MINDY4: variants seen among roughly 807,000 people sequenced by gnomAD.
MINDY4 encodes the protein probable ubiquitin carboxyl-terminal hydrolase MINDY-4.
A neutral mutation model predicts 87.0 loss-of-function variants in MINDY4; 68 were observed. The observed-to-expected ratio is 0.78, with a 90% CI of 0.64 to 0.96. MINDY4 has a LOEUF of 0.96. Ranked by LOEUF, MINDY4 falls within the 40% of genes least tolerant of loss-of-function variation. The pLI, the probability that MINDY4 is intolerant of heterozygous loss-of-function variation, is 0.00. For missense variants in MINDY4, 919 were observed against 928.2 expected (o/e 0.99, Z 0.13); for synonymous variants, 379 against 363.2 (o/e 1.04, Z -0.50).
intron 9 of MINDY4, among the ~76,000 whole-genome samples, chr7:30,843,241 A>C (rs994239286): frequency 6.6e-5 from 10 of 152,344 alleles, no homozygotes; most frequent in African/African-American, 2.4e-4. Flanking sequence ...ATTCCAGTAA[A>C]GAGAACAAGA....
chr7:30,891,692 C>T (rs1203181), intron 17 of MINDY4, among the ~76,000 whole-genome samples: 98,321 of 152,090 alleles, frequency 0.65, 35,417 homozygotes, highest in Non-Finnish European at 0.8. Context: ...CAGTGCCAGG[C>T]GCAAAGTAGG....
At chr7:30,847,390 A>T (rs1029243470) in intron 9 of MINDY4, among the ~76,000 whole-genome samples, 2 of 152,224 alleles carry the variant, frequency 1.3e-5, no homozygotes, top group Admixed American at 1.3e-4. Context: ...GGCCCTGCCC[A>T]AGAGCAAGAT....
chr7:30,838,399 G>A (rs1473269237), intron 7 of MINDY4, among the ~76,000 whole-genome samples: 2 of 152,102 alleles, frequency 1.3e-5, no homozygotes, highest in Admixed American at 6.5e-5. Context: ...ACTCATGGGC[G>A]GCATCACAGA....
chr7:30,874,883 A>G (rs572183498), intron 14 of MINDY4, among the ~76,000 whole-genome samples: 1 of 152,188 alleles, frequency 6.6e-6, no homozygotes, highest in Non-Finnish European at 1.5e-5. Flanking sequence ...GTAAGATGTT[A>G]TCGTTGGGGG....
At chr7:30,780,887 G>A (rs1430961459) in intron 2 of MINDY4, 2 of 152,348 alleles carry the variant, frequency 1.3e-5, no homozygotes, top group Non-Finnish European at 1.5e-5. Context: ...TTTATTGTAA[G>A]CTTCATTTAA....
intron 1 of MINDY4, 64 bp downstream of exon 1, chr7:30,771,620 C>T (rs552541074): frequency 1.3e-6 from 2 of 1,511,826 alleles, no homozygotes; most frequent in Non-Finnish European, 1.8e-6. Flanking sequence ...ATCGGGGTCT[C>T]CCCTGAAGGC....
chr7:30,828,590 A>T, intron 5 of MINDY4, 89 bp from the exon 6 acceptor site: 1 of 1,310,428 alleles, frequency 7.6e-7, no homozygotes. Context: ...TGTCTCCTGA[A>T]TGCCTATCCA....
At chr7:30,872,179 C>A (rs1332945700) in intron 13 of MINDY4, 64 bp from the exon 14 acceptor site, 9 of 1,506,496 alleles carry the variant, frequency 6.0e-6, no homozygotes, top group Non-Finnish European at 8.3e-6. Context: ...CGCCTGGTCA[C>A]CTAGCGAGGT....
At chr7:30,832,814 C>T (rs1788745400) in intron 6 of MINDY4, among the ~76,000 whole-genome samples, 1 of 152,076 alleles carries the variant, frequency 6.6e-6, no homozygotes, top group Non-Finnish European at 1.5e-5. Flanking sequence ...GGCCCCCTTC[C>T]CTCCCTTTTA....
intron 5 of MINDY4, among the ~76,000 whole-genome samples, chr7:30,811,069 C>T (rs1169757363): frequency 2.0e-5 from 3 of 151,882 alleles, no homozygotes; most frequent in South Asian, 2.1e-4. Context: ...CACTTCTTAT[C>T]GAAGGGTGGA....
chr7:30,842,545 A>T (rs1284004439), intron 9 of MINDY4, among the ~76,000 whole-genome samples: 3 of 152,174 alleles, frequency 2.0e-5, no homozygotes, highest in Non-Finnish European at 4.4e-5. Context: ...AAATGTGCAG[A>T]GTGTGCTTAG....
intron 6 of MINDY4, among the ~76,000 whole-genome samples, chr7:30,834,989 C>G (rs772713185): frequency 6.6e-6 from 1 of 152,256 alleles, no homozygotes; most frequent in African/African-American, 2.4e-5. Flanking sequence ...AACTTTCCCA[C>G]ATTTTCCTGT....
rs1193100905 is a variant in MINDY4 at position 30,840,775 on chromosome 7, G to T, written c.1372G>T (p.Val458Phe). 6.2e-7 allele frequency: 1 copy of T among 1,614,158 alleles called. No individual in the cohort carries two copies. Among genetic ancestry groups the T allele is most frequent in the East Asian group, 2.2e-5 (1 of 44,884 alleles). The change falls in exon 9 of 18, where the codon GTC (valine) becomes TTC (phenylalanine). Residue 458 changes from valine (V) to phenylalanine (F), a missense_variant. Physicochemically the swap from Val to Phe is conservative, Grantham distance 50. Transcript: ENST00000265299. ...TTCTTTGCAGGGTGGTCCTTGCGGA[G>T]TCCTGGCAGCTGTCCAAGGCTGTGT... ...IVQNKGGPCG[V>F]LAAVQGCVLQ... is the part of the protein sequence containing the mutation.
chr7:30,875,797 G>GGAA, intron 15 of MINDY4, 141 bp downstream of exon 15: 1 of 912,600 alleles, frequency 1.1e-6, no homozygotes, highest in Non-Finnish European at 1.6e-6. Flanking sequence ...AGAGGGCTTG[G>GGAA]GAAGAAGTAC....
At chr7:30,828,839 C>A in intron 6 of MINDY4, 102 bp downstream of exon 6, 1 of 1,065,722 alleles carries the variant, frequency 9.4e-7, no homozygotes, top group Non-Finnish European at 1.4e-6. Flanking sequence ...TTCCTTCCAC[C>A]TGACCTCAGC....
chr7:30,785,804 C>T lies in MINDY4; in HGVS notation c.475C>T (p.Pro159Ser), dbSNP rs1307769343. ...LGNFVSSKRP[P>S]HKSKPMQTVP... is the part of the protein sequence containing the mutation. The stretch of plus-strand genomic sequence containing the variant: ...TAATTTTGTATCATCTAAAAGGCCC[C>T]CGCACAAAAGTAAGCCCATGCAGAC... Residue 159 changes from proline to serine, a missense_variant, in exon 4 of 18, where the codon CCG becomes TCG. Physicochemically the swap from Pro to Ser is moderately conservative, Grantham distance 74 (BLOSUM62 -1). Coordinates refer to ENST00000265299, the MANE Select transcript of MINDY4 (RefSeq NM_032222.3). 6.2e-7 allele frequency: 1 copy of T among 1,614,158 alleles called. No homozygotes were observed. Among genetic ancestry groups the T allele is most frequent in the Admixed American group, 1.7e-5 (1 of 60,018 alleles).
chr7:30,882,047 C>A, intron 15 of MINDY4, 134 bp from the exon 16 acceptor site: 1 of 893,240 alleles, frequency 1.1e-6, no homozygotes, highest in Non-Finnish European at 1.7e-6. Context: ...GCGTGAGGGG[C>A]TCCCAGCATC....
chr7:30,802,115 A>G (rs921543881), intron 5 of MINDY4, among the ~76,000 whole-genome samples: 5 of 152,098 alleles, frequency 3.3e-5, no homozygotes, highest in African/African-American at 7.2e-5. Context: ...TCTTTCCTGT[A>G]TTCCTTTTTT....
intron 15 of MINDY4, among the ~76,000 whole-genome samples, chr7:30,877,289 T>C (rs528517164): frequency 6.6e-6 from 1 of 152,298 alleles, no homozygotes; most frequent in African/African-American, 2.4e-5. Context: ...GTTTCATTCT[T>C]GGGTCGAGGG....
Sources: gnomAD v4.1 joint callset for allele counts (sites outside exome capture counted in the v4.1 genomes callset) on GRCh38, gnomAD v4.1.1 for gene constraint, MANE v1.5 for transcripts, NCBI Gene and HGNC (gene_info 2026-07-23, HGNC 2026-07-21) for gene names.